The following FOXP2 variants were observed in gnomAD, a reference collection of about 807,000 sequenced individuals.
FOXP2 encodes the protein forkhead box protein P2.
A neutral mutation model predicts 115.8 loss-of-function variants in FOXP2; 12 were observed. The observed-to-expected ratio is 0.10, with a 90% CI of 0.07 to 0.17. FOXP2 has a LOEUF of 0.17. FOXP2 is among the 10% of genes least tolerant of loss of function. The pLI is 1.00. For synonymous variants in FOXP2, 328 were observed against 297.7 expected, an observed-to-expected ratio of 1.10 and a Z score of -1.05; for missense variants, 629 against 843.5, an observed-to-expected ratio of 0.75 and a Z score of 3.15.
At chr7:114,581,495 G>A (rs1801867549) in intron 3 of FOXP2, among the ~76,000 whole-genome samples, 1 of 152,078 alleles carries the variant, frequency 6.6e-6, no homozygotes, top group African/African-American at 2.4e-5. Flanking sequence ...TAGGTTCACA[G>A]CAAAACTGAG....
chr7:114,294,296 C>T (rs895217530), intron 2 of FOXP2, among the ~76,000 whole-genome samples: 4 of 152,082 alleles, frequency 2.6e-5, no homozygotes, highest in Admixed American at 6.6e-5. Flanking sequence ...GGAATAAATA[C>T]CCATATGCTA....
At chr7:114,265,818 C>T (rs1795880455) in intron 1 of FOXP2, among the ~76,000 whole-genome samples, 1 of 152,132 alleles carries the variant, frequency 6.6e-6, no homozygotes, top group Non-Finnish European at 1.5e-5. Flanking sequence ...AGGGAACCTG[C>T]CAAGGATTAT....
chr7:114,655,769 T>C (rs1016726185), intron 10 of FOXP2, among the ~76,000 whole-genome samples: 2 of 152,152 alleles, frequency 1.3e-5, no homozygotes, highest in East Asian at 1.9e-4. Flanking sequence ...GGTTCATCAC[T>C]GCACCCTTAA....
intron 16 of FOXP2, among the ~76,000 whole-genome samples, chr7:114,676,045 G>A (rs938145516): frequency 4.7e-5 from 7 of 149,986 alleles, no homozygotes; most frequent in African/African-American, 1.7e-4. Context: ...GAGTAGCTGG[G>A]ACTACAGATA....
intron 1 of FOXP2, among the ~76,000 whole-genome samples, chr7:114,250,009 T>C (rs1413965356): frequency 6.9e-6 from 1 of 145,314 alleles, no homozygotes; most frequent in East Asian, 2.2e-4. Flanking sequence ...CCAAGTGTTC[T>C]CATTGTTCAA....
intron 3 of FOXP2, among the ~76,000 whole-genome samples, chr7:114,550,116 T>TTC (rs1800129803): frequency 2.4e-5 from 3 of 126,480 alleles, no homozygotes; most frequent in Non-Finnish European, 3.2e-5. Flanking sequence ...TCTTTTCTTT[T>TTC]TTTTTTTTTT....
chr7:114,616,228 T>A (rs561939983), intron 3 of FOXP2, among the ~76,000 whole-genome samples: 1 of 152,054 alleles, frequency 6.6e-6, no homozygotes, highest in South Asian at 2.1e-4. Flanking sequence ...AGTGGCGCAG[T>A]CTTGGCTCAC....
chr7:114,161,654 G>GTATATATATATATA (rs549643391), upstream of FOXP2, among the ~76,000 whole-genome samples: 127 of 151,544 alleles, frequency 8.4e-4, no homozygotes, highest in Middle Eastern at 3.4e-3. Context: ...GTGTGTGCGT[G>GTATATATATATATA]TATATATATA....
chr7:114,677,301 T>G (rs1807832103), intron 16 of FOXP2, among the ~76,000 whole-genome samples: 1 of 152,204 alleles, frequency 6.6e-6, no homozygotes, highest in Non-Finnish European at 1.5e-5. Context: ...CTCTCATAAG[T>G]GATGACAGTA....
intron 2 of FOXP2, among the ~76,000 whole-genome samples, chr7:114,516,635 C>G (rs965835965): frequency 6.6e-6 from 1 of 151,806 alleles, no homozygotes; most frequent in African/African-American, 2.4e-5. Context: ...CAAGAGCGTA[C>G]AAAGGTTTCA....
At chr7:114,168,594 C>T (rs1793045669) in intron 1 of FOXP2, among the ~76,000 whole-genome samples, 2 of 152,084 alleles carry the variant, frequency 1.3e-5, no homozygotes, top group Non-Finnish European at 2.9e-5. Context: ...GGAAGCAGAG[C>T]ATAAAAGTTT....
chr7:114,335,718 G>A (rs1415945949), intron 2 of FOXP2, among the ~76,000 whole-genome samples: 1 of 151,620 alleles, frequency 6.6e-6, no homozygotes, highest in Non-Finnish European at 1.5e-5. Flanking sequence ...TATTTAAAGG[G>A]TTCATTAATC....
rs1804625115 is a variant in FOXP2, at chr7:114,626,958, T to C, written c.259-1582T>C. Among the ~76,000 whole-genome samples the C allele has an allele frequency of 2.0e-5, 3 of 152,012 alleles. 1 individual carries two copies. The South Asian group carries it at 6.2e-4, about 32-fold the overall frequency. On this transcript the variant is annotated intron_variant, in intron 3 of 16. Coordinates refer to ENST00000350908, the MANE Select transcript of FOXP2 (RefSeq NM_014491.4). ...TATATTCCTTAAAAATACAGAAATA[T>C]TTTTTAAAATCACTGAATTTCTGTC...
intron 1 of FOXP2, among the ~76,000 whole-genome samples, chr7:114,237,023 A>T (rs2129166883): frequency 6.6e-6 from 1 of 151,998 alleles, no homozygotes; most frequent in African/African-American, 2.4e-5. Flanking sequence ...AGTGTCCAAC[A>T]TTTTTCTCTT....
At chr7:114,300,461 A>G (rs1796852578) in intron 2 of FOXP2, among the ~76,000 whole-genome samples, 1 of 152,014 alleles carries the variant, frequency 6.6e-6, no homozygotes, top group Non-Finnish European at 1.5e-5. Flanking sequence ...TCCTATTTAT[A>G]CATTTAATGA....
intron 2 of FOXP2, among the ~76,000 whole-genome samples, chr7:114,342,855 G>A (rs777498844): frequency 1.1e-4 from 17 of 151,496 alleles, no homozygotes; most frequent in African/African-American, 4.1e-4. Flanking sequence ...ATATTTTATT[G>A]ATTTTAACTT....
At chr7:114,525,212 G>A (rs770574283) in intron 2 of FOXP2, among the ~76,000 whole-genome samples, 55 of 152,156 alleles carry the variant, frequency 3.6e-4, no homozygotes, top group Non-Finnish European at 5.9e-4. Context: ...ATATTTCCAA[G>A]CATCATATAC....
At chr7:114,589,545 C>A (rs1333458712) in intron 3 of FOXP2, among the ~76,000 whole-genome samples, 1 of 152,162 alleles carries the variant, frequency 6.6e-6, no homozygotes, top group Non-Finnish European at 1.5e-5. Flanking sequence ...CTTTCTCATT[C>A]CTCCACCCAT....
At chr7:114,405,217 A>G (rs1793004377) in intron 2 of FOXP2, among the ~76,000 whole-genome samples, 1 of 151,914 alleles carries the variant, frequency 6.6e-6, no homozygotes, top group African/African-American at 2.4e-5. Context: ...CTTTTTCTGA[A>G]AAACAGATAT....
Sources: allele counts gnomAD v4.1 joint callset (sites outside exome capture counted in the v4.1 genomes callset), GRCh38; gene constraint gnomAD v4.1.1; transcripts MANE v1.5; gene names NCBI Gene and HGNC (gene_info 2026-07-23, HGNC 2026-07-21).